Variants in MAN2B2 observed in about 807,000 individuals in gnomAD.
MAN2B2 encodes epididymis-specific alpha-mannosidase.
In MAN2B2, 106 loss-of-function variants were observed where a neutral mutation model predicts 117.1. That is an observed-to-expected ratio of 0.90 (90% confidence interval 0.77 to 1.06). The LOEUF is 1.06. Ranked by LOEUF, MAN2B2 falls within the 50% of genes least tolerant of loss-of-function variation. The pLI, the probability that MAN2B2 is intolerant of heterozygous loss-of-function variation, is 0.00. For synonymous variants in MAN2B2, 544 were observed against 595.1 expected (o/e 0.91, Z 1.25); for missense variants, 1,326 against 1,381.4 (o/e 0.96, Z 0.64).
intron 12 of MAN2B2, 51 bp downstream of exon 12, chr4:6,609,349 G>A (rs574708067): frequency 6.7e-5 from 105 of 1,561,894 alleles, no homozygotes; most frequent in South Asian, 5.4e-4. Context: ...CAGCGCACGC[G>A]TGCAGGCAGC....
chr4:6,611,425 A>T, intron 15 of MAN2B2, 147 bp downstream of exon 15: 1 of 768,416 alleles, frequency 1.3e-6, no homozygotes, highest in Non-Finnish European at 2.0e-6. Flanking sequence ...CAAGCCCCTC[A>T]TTTAACAGAT....
intron 16 of MAN2B2, among the ~76,000 whole-genome samples, 187 bp downstream of exon 16, chr4:6,614,542 T>C (rs1239800766): frequency 6.6e-6 from 1 of 152,128 alleles, no homozygotes; most frequent in East Asian, 1.9e-4. Flanking sequence ...CTTGGCAAGC[T>C]GGAGGCGAGG....
In MAN2B2 at chr4:6,619,640, G is replaced by C. The variant is rs928093470; in HGVS notation, c.2815-287G>C. On this transcript the variant is annotated intron_variant, in intron 17 of 18. Coordinates refer to ENST00000285599, the MANE Select transcript of MAN2B2 (RefSeq NM_015274.3). ...GGGGAGAGGAGAACTCCGCGGTGGGGTGGGCAGCTCAAAATGCCACACCTC... is the reference window on the plus strand; with the variant it reads ...GGGGAGAGGAGAACTCCGCGGTGGGCTGGGCAGCTCAAAATGCCACACCTC... 3 of 346,366 alleles carry C rather than the reference G, an allele frequency of 8.7e-6. No individual in the cohort carries two copies. The Admixed American group carries it at 1.3e-4, about 15-fold the overall frequency. 21.5% of individuals were successfully genotyped at this position (346,366 alleles called of 1,614,324 possible).
At chr4:6,617,656 T>A in intron 17 of MAN2B2, 164 bp downstream of exon 17, 1 of 1,382,812 alleles carries the variant, frequency 7.2e-7, no homozygotes. Flanking sequence ...GTTTGTCAGG[T>A]ATTACAACTG....
At chr4:6,585,965 A>AAGTG (rs1260259250) in intron 3 of MAN2B2, among the ~76,000 whole-genome samples, 1 of 152,138 alleles carries the variant, frequency 6.6e-6, no homozygotes, top group Non-Finnish European at 1.5e-5. Flanking sequence ...TGTTTGTTAG[A>AAGTG]AGTGAGTCAC....
Position 6,599,957 on chromosome 4 carries a change from ACACAGGAGAG to A in MAN2B2, c.1406-665_1406-656del, listed in dbSNP as rs543235253. On this transcript the variant is annotated intron_variant, in intron 9 of 18. Coordinates refer to ENST00000285599, the MANE Select transcript of MAN2B2 (RefSeq NM_015274.3). ...TTGAGGAGCTGTCATTCCAATGAACACACAGGAGAGGCTTCCCCAAGCTGTGAATAGGTAG... is the reference window on the plus strand; with the variant it reads ...TTGAGGAGCTGTCATTCCAATGAACAGCTTCCCCAAGCTGTGAATAGGTAG... Among the ~76,000 whole-genome samples, 39 of 152,360 alleles carry A rather than the reference ACACAGGAGAG, an allele frequency of 2.6e-4. No homozygotes were observed. In the East Asian group the frequency reaches 6.6e-3, roughly 26 times the overall value.
At chr4:6,610,773 C>T in intron 13 of MAN2B2, 107 bp from the exon 14 acceptor site, 1 of 896,548 alleles carries the variant, frequency 1.1e-6, no homozygotes, top group South Asian at 1.4e-5. Flanking sequence ...CAGCCCCATG[C>T]TGCTGCTGTG....
intron 18 of MAN2B2, 187 bp from the exon 19 acceptor site, chr4:6,621,001 A>T (rs947495343): frequency 1.8e-6 from 1 of 560,198 alleles, no homozygotes; most frequent in Non-Finnish European, 3.2e-6. Flanking sequence ...TGGGAGCCAC[A>T]GCAGACTGTA....
chr4:6,618,609 C>T (rs1260248898), intron 17 of MAN2B2: 1 of 152,416 alleles, frequency 6.6e-6, no homozygotes, highest in Non-Finnish European at 1.5e-5. Context: ...GTTGCCCTCT[C>T]AGCTCTACTA....
intron 7 of MAN2B2, 143 bp from the exon 8 acceptor site, chr4:6,596,970 C>T (rs183505522): frequency 2.8e-5 from 21 of 759,008 alleles, no homozygotes; most frequent in Middle Eastern, 2.6e-4. Flanking sequence ...GCCCTGGGCT[C>T]GCTGCCTGCC....
chr4:6,603,859 A>G (rs4234762), intron 10 of MAN2B2, among the ~76,000 whole-genome samples: 145,921 of 152,174 alleles, frequency 0.96, 70,266 homozygotes, highest in East Asian at 1. Context: ...GGGAACAGGT[A>G]TCTGCTGTAT....
At chr4:6,597,382 C>A in intron 8 of MAN2B2, 79 bp downstream of exon 8, 1 of 1,408,518 alleles carries the variant, frequency 7.1e-7, no homozygotes, top group East Asian at 2.6e-5. Context: ...CTAGCCAATC[C>A]TTCCAGCCCT....
At chr4:6,584,734 C>T (rs1035001572) in intron 3 of MAN2B2, among the ~76,000 whole-genome samples, 1 of 152,196 alleles carries the variant, frequency 6.6e-6, no homozygotes, top group African/African-American at 2.4e-5. Flanking sequence ...CTGATGGCCT[C>T]CCAGTTCATT....
In MAN2B2 at chr4:6,609,900, G is replaced by T. The variant is rs775353969; in HGVS notation, c.2109G>T (p.Glu703Asp). 1.9e-6 allele frequency: 3 copies of T among 1,614,170 alleles called. No individual in the cohort carries two copies. The highest frequency in any genetic ancestry group is 1.7e-6 in the Non-Finnish European group (2 of 1,180,032). The change falls in exon 13 of 19, where the codon GAG (glutamate) becomes GAT (aspartate). Residue 703 changes from glutamate (E) to aspartate (D), a missense_variant. By Grantham distance (45) the Glu-to-Asp change is conservative. Transcript: ENST00000285599. ...TGCTCTGCCACCGGATAGAGCAGGA[G>T]TACCAAGCCGGCCCCCTGGAGCTGA... ...GELLCHRIEQ[E>D]YQAGPLELNR...
chr4:6,615,683 C>A (rs1355868830), intron 16 of MAN2B2, among the ~76,000 whole-genome samples: 1 of 152,052 alleles, frequency 6.6e-6, no homozygotes, highest in Admixed American at 6.5e-5. Flanking sequence ...GCCTGTGGTC[C>A]CAGCTACTCA....
At chr4:6,603,163 G>C (rs1727395843) in intron 10 of MAN2B2, among the ~76,000 whole-genome samples, 1 of 152,194 alleles carries the variant, frequency 6.6e-6, no homozygotes, top group Non-Finnish European at 1.5e-5. Flanking sequence ...GCCGATGTTA[G>C]GTATGGGGCT....
intron 15 of MAN2B2, 45 bp downstream of exon 15, chr4:6,611,323 C>T (rs1380563335): frequency 1.3e-6 from 2 of 1,539,148 alleles, no homozygotes; most frequent in Non-Finnish European, 1.8e-6. Flanking sequence ...TGCCTCAGCA[C>T]CAGCCAGGCC....
chr4:6,578,021 T>C (rs1409502905), intron 2 of MAN2B2, among the ~76,000 whole-genome samples: 2 of 152,206 alleles, frequency 1.3e-5, no homozygotes, highest in East Asian at 1.9e-4. Context: ...AAAGGTGTTA[T>C]GTGTGTAGAG....
Position 6,617,426 on chromosome 4 carries a change from G to C in MAN2B2, c.2748G>C (p.Arg916=), listed in dbSNP as rs751534307. The part of the protein sequence containing the change: ...AQADLRRVLL[R]LYHLYEVGED... ...CTGACCTCCGCCGTGTCCTGCTGCGGCTCTACCACCTATATGAAGTGGGCG... is the reference window on the plus strand; with the variant it reads ...CTGACCTCCGCCGTGTCCTGCTGCGCCTCTACCACCTATATGAAGTGGGCG... Residue 916 remains arginine (R), a synonymous_variant, in exon 17 of 19, where the codon CGG becomes CGC. Transcript: ENST00000285599. 1.2e-6 allele frequency: 2 copies of C among 1,614,160 alleles called. No homozygotes were observed. Among genetic ancestry groups the C allele is most frequent in the East Asian group, 2.2e-5 (1 of 44,872 alleles).
Sources: allele counts gnomAD v4.1 joint callset (sites outside exome capture counted in the v4.1 genomes callset), GRCh38; gene constraint gnomAD v4.1.1; transcripts MANE v1.5; gene names NCBI Gene and HGNC (gene_info 2026-07-23, HGNC 2026-07-21).